Variants in NTRK2 observed in about 807,000 individuals in gnomAD.
The protein encoded by NTRK2 is neurotrophic receptor tyrosine kinase 2, also known as BDNF/NT-3 growth factors receptor.
A neutral mutation model predicts 94.5 loss-of-function variants in NTRK2; 13 were observed. The observed-to-expected ratio is 0.14, with a 90% CI of 0.09 to 0.22. NTRK2 has a LOEUF of 0.22. Among genes scored for constraint, NTRK2 ranks in the 10% least tolerant of loss-of-function variants. The pLI, the probability that NTRK2 is intolerant of heterozygous loss-of-function variation, is 1.00. For synonymous variants in NTRK2, 372 were observed against 407.4 expected (o/e 0.91, Z 1.05); for missense variants, 639 against 1,071.2 (o/e 0.60, Z 5.63).
At chr9:84,719,896 C>A (rs1455267688) in intron 6 of NTRK2, among the ~76,000 whole-genome samples, 1 of 151,272 alleles carries the variant, frequency 6.6e-6, no homozygotes, top group Non-Finnish European at 1.5e-5. Flanking sequence ...GGTGTGTGCC[C>A]ATTATCCCAG....
intron 14 of NTRK2, among the ~76,000 whole-genome samples, chr9:84,895,562 T>G (rs934270389): frequency 6.6e-5 from 10 of 152,204 alleles, no homozygotes; most frequent in African/African-American, 2.4e-4. Context: ...TCCTTTAGCT[T>G]CTTGGTAAAG....
intron 13 of NTRK2, among the ~76,000 whole-genome samples, chr9:84,862,734 G>T (rs1190600664): frequency 6.6e-6 from 1 of 152,240 alleles, no homozygotes; most frequent in Non-Finnish European, 1.5e-5. Flanking sequence ...GAAGTGCTGG[G>T]ATCCATTAAA....
intron 7 of NTRK2, 81 bp from the exon 8 acceptor site, chr9:84,724,143 G>A: frequency 6.8e-7 from 1 of 1,465,560 alleles, no homozygotes; most frequent in Non-Finnish European, 9.6e-7. Context: ...ATTTTCTCTA[G>A]TTAGGGGAAG....
chr9:84,750,778 A>C (rs2064522591), intron 11 of NTRK2, among the ~76,000 whole-genome samples: 2 of 152,220 alleles, frequency 1.3e-5, no homozygotes, highest in Non-Finnish European at 2.9e-5. Flanking sequence ...TTTTGGAAGC[A>C]GGACTTTGGG....
At chr9:84,818,622 G>C (rs2072579639) in intron 12 of NTRK2, among the ~76,000 whole-genome samples, 1 of 152,218 alleles carries the variant, frequency 6.6e-6, no homozygotes, top group South Asian at 2.1e-4. Flanking sequence ...GTTAACCCCA[G>C]AGCACGTTTG....
intron 12 of NTRK2, among the ~76,000 whole-genome samples, chr9:84,832,652 G>T (rs562752936): frequency 5.9e-5 from 9 of 152,290 alleles, no homozygotes; most frequent in Non-Finnish European, 7.4e-5. Context: ...TGTGTATTAC[G>T]CAATCTTTAA....
intron 9 of NTRK2, among the ~76,000 whole-genome samples, chr9:84,732,127 T>C (rs974762018): frequency 1.3e-5 from 2 of 152,190 alleles, no homozygotes; most frequent in African/African-American, 4.8e-5. Flanking sequence ...CAAAATGAAA[T>C]CTAGAAAACC....
At chr9:84,923,856 C>T (rs1437884114) in intron 14 of NTRK2, among the ~76,000 whole-genome samples, 4 of 151,720 alleles carry the variant, frequency 2.6e-5, no homozygotes, top group African/African-American at 4.8e-5. Flanking sequence ...ACTGAGATCG[C>T]GCCACTGCAC....
chr9:85,002,121 T>G (rs894786057), intron 17 of NTRK2, among the ~76,000 whole-genome samples: 2 of 152,156 alleles, frequency 1.3e-5, no homozygotes, highest in East Asian at 1.9e-4. Flanking sequence ...CAGGCACTAT[T>G]CCCCTTGCAG....
intron 14 of NTRK2, chr9:84,872,903 C>T (rs1056430734): frequency 5.6e-6 from 6 of 1,065,320 alleles, no homozygotes; most frequent in East Asian, 5.0e-5. Flanking sequence ...TCAACAGCCA[C>T]AGCCCACTTC....
At chr9:84,793,824 A>G (rs911672520) in intron 12 of NTRK2, among the ~76,000 whole-genome samples, 1 of 152,202 alleles carries the variant, frequency 6.6e-6, no homozygotes, top group Admixed American at 6.5e-5. Flanking sequence ...AGTTCTATAA[A>G]TAAAGTTTTA....
intron 5 of NTRK2, among the ~76,000 whole-genome samples, chr9:84,708,860 A>C (rs1778931): frequency 6.6e-6 from 1 of 152,000 alleles, no homozygotes; most frequent in East Asian, 1.9e-4. Flanking sequence ...TGAATTCAGG[A>C]CGTTGAAGCA....
At chr9:84,837,024 A>G (rs928193932) in intron 12 of NTRK2, among the ~76,000 whole-genome samples, 1 of 150,490 alleles carries the variant, frequency 6.6e-6, no homozygotes, top group African/African-American at 2.4e-5. Flanking sequence ...CAATGAGGGC[A>G]TTATTTCCCA....
At chr9:84,699,035 G>GA (rs1283651184) in intron 2 of NTRK2, among the ~76,000 whole-genome samples, 43 of 118,238 alleles carry the variant, frequency 3.6e-4, no homozygotes, top group African/African-American at 1.1e-3. Flanking sequence ...AGCCCTTGCT[G>GA]AAAATTTTTT....
Position 84,926,105 on chromosome 9 carries a change from CT to C in NTRK2, c.1634-8054del, listed in dbSNP as rs760861254. On this transcript the variant is annotated intron_variant, in intron 14 of 18. Transcript: ENST00000277120. ...TTTCCCTTCCTTCCTTCCTTCCTTC[CT>C]TTCCTTCCTTCCTTCCTTCCTTCCT... Among the ~76,000 whole-genome samples the C allele has an allele frequency of 7.9e-3, 1,032 of 129,818 alleles. 35 individuals carry two copies. The highest frequency in any genetic ancestry group is 0.028 in the African/African-American group (836 of 30,122). 85.2% of individuals were successfully genotyped at this position (129,818 alleles called of 152,430 possible).
At chr9:84,874,011 A>G (rs892719529) in intron 14 of NTRK2, 2 of 1,064,140 alleles carry the variant, frequency 1.9e-6, no homozygotes, top group African/African-American at 3.3e-5. Context: ...TCACCAAAGC[A>G]TCAGTGATGT....
intron 12 of NTRK2, among the ~76,000 whole-genome samples, chr9:84,789,902 A>G (rs537338608): frequency 2.8e-4 from 42 of 152,228 alleles, no homozygotes; most frequent in African/African-American, 8.4e-4. Context: ...AATGTAGTGG[A>G]TGTAGGGGAT....
intron 10 of NTRK2, 37 bp from the exon 11 acceptor site, chr9:84,744,936 T>A: frequency 7.0e-7 from 1 of 1,436,724 alleles, no homozygotes; most frequent in Non-Finnish European, 9.8e-7. Flanking sequence ...TAATGACAAC[T>A]TCATGTTCTT....
chr9:84,904,102 G>C (rs978494915), intron 14 of NTRK2, among the ~76,000 whole-genome samples: 4 of 152,170 alleles, frequency 2.6e-5, no homozygotes, highest in South Asian at 2.1e-4. Flanking sequence ...GGCACATGCT[G>C]TTCCGAACTA....
Sources: allele counts gnomAD v4.1 joint callset (sites outside exome capture counted in the v4.1 genomes callset), GRCh38; gene constraint gnomAD v4.1.1; transcripts MANE v1.5; gene names NCBI Gene and HGNC (gene_info 2026-07-23, HGNC 2026-07-21).